The following CSMD3 variants were observed in gnomAD, a reference collection of about 807,000 sequenced individuals.
The protein encoded by CSMD3 is CUB and sushi domain-containing protein 3.
In CSMD3, 177 loss-of-function variants were observed where a neutral mutation model predicts 435.2. The ratio of observed to expected loss-of-function variants is 0.41; its 90% CI spans 0.36 to 0.46. CSMD3 has a LOEUF of 0.46. Among genes scored for constraint, CSMD3 ranks in the 20% least tolerant of loss-of-function variants. The pLI is 0.34. For missense variants in CSMD3, 4,265 were observed against 4,504.6 expected, an observed-to-expected ratio of 0.95 and a Z score of 1.52; for synonymous variants, 1,656 against 1,520.5, an observed-to-expected ratio of 1.09 and a Z score of -2.07.
intron 54 of CSMD3, among the ~76,000 whole-genome samples, chr8:112,294,097 T>G (rs1046318552): frequency 6.7e-6 from 1 of 150,022 alleles, no homozygotes; most frequent in Non-Finnish European, 1.5e-5. Flanking sequence ...TTGGGGGGGG[T>G]GTAGGGGTGG....
At chr8:112,514,312 G>C (rs1823450514) in intron 28 of CSMD3, among the ~76,000 whole-genome samples, 1 of 152,118 alleles carries the variant, frequency 6.6e-6, no homozygotes, top group South Asian at 2.1e-4. Flanking sequence ...AGTGAGTAAA[G>C]AAAATTATCT....
At chr8:112,801,787 A>G (rs1174114595) in intron 12 of CSMD3, among the ~76,000 whole-genome samples, 1 of 152,040 alleles carries the variant, frequency 6.6e-6, no homozygotes, top group Non-Finnish European at 1.5e-5. Context: ...AAGTAAACCC[A>G]TTATTAAACG....
chr8:113,436,213 G>T (rs2094705248), intron 1 of CSMD3, among the ~76,000 whole-genome samples: 1 of 152,118 alleles, frequency 6.6e-6, no homozygotes, highest in Admixed American at 6.5e-5. Flanking sequence ...GTGCCCTAAT[G>T]CATTTAAAAT....
chr8:113,152,551 CT>C, intron 4 of CSMD3, among the ~76,000 whole-genome samples: 1 of 152,154 alleles, frequency 6.6e-6, no homozygotes, highest in Non-Finnish European at 1.5e-5. Context: ...TTAACCTAAG[CT>C]TTAAATAGAA....
chr8:112,575,604 T>A (rs1586717827), intron 23 of CSMD3, among the ~76,000 whole-genome samples: 1 of 152,092 alleles, frequency 6.6e-6, no homozygotes, highest in Non-Finnish European at 1.5e-5. Context: ...ATCATGCAAA[T>A]AAGTTTCTGT....
At chr8:112,348,700 C>T (rs1457539534) in intron 40 of CSMD3, among the ~76,000 whole-genome samples, 3 of 152,084 alleles carry the variant, frequency 2.0e-5, no homozygotes, top group Admixed American at 6.6e-5. Flanking sequence ...AGTTCGAGAC[C>T]AGCATGACCA....
At chr8:112,227,671 T>G (rs1378036696) in intron 70 of CSMD3, among the ~76,000 whole-genome samples, 1 of 152,216 alleles carries the variant, frequency 6.6e-6, no homozygotes, top group East Asian at 1.9e-4. Context: ...TGACTAGACC[T>G]AAGTAGCTGG....
intron 45 of CSMD3, among the ~76,000 whole-genome samples, chr8:112,333,446 C>T (rs1377090856): frequency 1.3e-5 from 2 of 152,156 alleles, no homozygotes; most frequent in Non-Finnish European, 2.9e-5. Context: ...GGATTATAGG[C>T]ATGAGCCACT....
At chr8:112,963,430 A>G (rs1015584585) in intron 7 of CSMD3, among the ~76,000 whole-genome samples, 1 of 151,994 alleles carries the variant, frequency 6.6e-6, no homozygotes, top group Non-Finnish European at 1.5e-5. Flanking sequence ...TTTAATTGAA[A>G]TCTACATCTC....
chr8:112,459,043 T>C (rs1817156960), intron 32 of CSMD3, among the ~76,000 whole-genome samples: 1 of 151,930 alleles, frequency 6.6e-6, no homozygotes, highest in African/African-American at 2.4e-5. Flanking sequence ...CCTAAATTAA[T>C]CCCCTCATTG....
chr8:112,692,095 G>A (rs914569010), intron 13 of CSMD3, among the ~76,000 whole-genome samples: 11 of 152,028 alleles, frequency 7.2e-5, no homozygotes, highest in East Asian at 3.9e-4. Context: ...GAGCCACTGC[G>A]CCCGGCAAAT....
intron 45 of CSMD3, among the ~76,000 whole-genome samples, chr8:112,334,795 A>C (rs1226505516): frequency 2.6e-5 from 4 of 152,210 alleles, no homozygotes. Context: ...GAGACTATAC[A>C]TAAATTATTC....
chr8:113,098,813 T>A lies in CSMD3; in HGVS notation c.860A>T (p.Gln287Leu), dbSNP rs1298077840. 3 of 1,612,654 alleles carry A rather than the reference T, an allele frequency of 1.9e-6. No homozygotes were observed. The highest frequency in any genetic ancestry group is 2.5e-6 in the Non-Finnish European group (3 of 1,179,076). The change falls in exon 5 of 71, where the codon CAA becomes CTA. Residue 287 changes from glutamine (Q) to leucine (L), a missense_variant. Transcript: ENST00000297405. ...DTISLIFTDF[Q>L]MEEKYDYLEI... ...TAAGTAATCATATTTCTCTTCCATT[T>A]GAAAATCAGTAAATATGAGTGAAAT...
At chr8:113,048,125 C>A (rs1162331756) in intron 5 of CSMD3, among the ~76,000 whole-genome samples, 2 of 146,022 alleles carry the variant, frequency 1.4e-5, no homozygotes, top group African/African-American at 5.1e-5. Flanking sequence ...CCGAGTCTCG[C>A]TCTGTCGCCC....
At chr8:112,414,724 A>G (rs1439160303) in intron 32 of CSMD3, among the ~76,000 whole-genome samples, 1 of 151,936 alleles carries the variant, frequency 6.6e-6, no homozygotes, top group Non-Finnish European at 1.5e-5. Flanking sequence ...AGATTTGTTG[A>G]ATGGCTTTGA....
chr8:112,610,413 T>C (rs928039745), intron 22 of CSMD3, among the ~76,000 whole-genome samples: 13 of 152,106 alleles, frequency 8.5e-5, no homozygotes, highest in African/African-American at 3.1e-4. Context: ...TCCCTGTTCT[T>C]TGGGTCTCAA....
chr8:112,997,854 A>G, intron 6 of CSMD3, among the ~76,000 whole-genome samples: 1 of 83,318 alleles, frequency 1.2e-5, no homozygotes, highest in East Asian at 6.5e-4. Flanking sequence ...ATGTACATGT[A>G]TATGTGTGTA....
chr8:113,422,234 T>C (rs2094612070), intron 1 of CSMD3, among the ~76,000 whole-genome samples: 1 of 152,160 alleles, frequency 6.6e-6, no homozygotes, highest in Non-Finnish European at 1.5e-5. Flanking sequence ...GCGTTTTTCC[T>C]CTGTTAATCT....
At chr8:112,401,417 C>T (rs1002151914) in intron 35 of CSMD3, among the ~76,000 whole-genome samples, 2 of 151,862 alleles carry the variant, frequency 1.3e-5, no homozygotes, top group Non-Finnish European at 2.9e-5. Flanking sequence ...TCTGTCTCAT[C>T]TGCATGTCTT....
Sources: allele counts gnomAD v4.1 joint callset (sites outside exome capture counted in the v4.1 genomes callset), GRCh38; gene constraint gnomAD v4.1.1; transcripts MANE v1.5; gene names NCBI Gene and HGNC (gene_info 2026-07-23, HGNC 2026-07-21).